Variants in SLC17A3 observed in about 807,000 individuals in gnomAD.
SLC17A3 encodes sodium-dependent phosphate transport protein 4.
SLC17A3 carries 61 observed loss-of-function variants against 60.3 expected under a neutral mutation model. The ratio of observed to expected loss-of-function variants is 1.01; its 90% CI spans 0.82 to 1.25. The LOEUF (loss-of-function observed/expected upper bound fraction) is 1.25, where lower values mean the gene tolerates loss of function less well. Ranked by LOEUF, SLC17A3 falls within the 50% of genes most tolerant of loss-of-function variation. The pLI, the probability that SLC17A3 is intolerant of heterozygous loss-of-function variation, is 0.00. For synonymous variants in SLC17A3, 192 were observed against 208.9 expected, an observed-to-expected ratio of 0.92 and a Z score of 0.70; for missense variants, 624 against 594.9, an observed-to-expected ratio of 1.05 and a Z score of -0.51.
intron 11 of SLC17A3, among the ~76,000 whole-genome samples, chr6:25,847,344 T>C (rs1040859924): frequency 6.6e-6 from 1 of 152,190 alleles, no homozygotes; most frequent in Non-Finnish European, 1.5e-5. Flanking sequence ...CCATGTCTTT[T>C]CCATTATGAA....
Position 25,845,264 on chromosome 6 carries a change from G to A in SLC17A3, c.*37C>T, listed in dbSNP as rs1348530188. On this transcript the variant is annotated 3_prime_UTR_variant, in exon 13 of 13. Transcript: ENST00000397060. ...GGAAGCCTTCTATTTTATGCAATAC[G>A]GTGCCTAATGACTTTTCCATCCAAG... The A allele has an allele frequency of 1.3e-5, 16 of 1,216,246 alleles. No individual in the cohort carries two copies. Among genetic ancestry groups the A allele is most frequent in the East Asian group, 4.7e-5 (2 of 42,516 alleles). The allele number at this position is 1,216,246 out of a possible 1,614,324, so 75.3% of individuals were successfully genotyped here.
intron 6 of SLC17A3, among the ~76,000 whole-genome samples, 175 bp downstream of exon 6, chr6:25,854,969 G>A (rs1157268281): frequency 1.3e-5 from 2 of 152,200 alleles, no homozygotes; most frequent in African/African-American, 4.8e-5. Context: ...ATAGGCAGGA[G>A]AACTTCCAAA....
At chr6:25,865,326 A>C (rs2151526390) in intron 2 of SLC17A3, among the ~76,000 whole-genome samples, 1 of 152,138 alleles carries the variant, frequency 6.6e-6, no homozygotes, top group East Asian at 1.9e-4. Context: ...TTAATAAAGG[A>C]GGATTCCCCT....
At chr6:25,851,675 C>A (rs907762693) in intron 6 of SLC17A3, among the ~76,000 whole-genome samples, 1 of 152,060 alleles carries the variant, frequency 6.6e-6, no homozygotes, top group African/African-American at 2.4e-5. Flanking sequence ...GAACCTTTCT[C>A]AAATATCAGT....
chr6:25,864,652 T>G (rs1011514778), intron 2 of SLC17A3, among the ~76,000 whole-genome samples: 2 of 151,810 alleles, frequency 1.3e-5, no homozygotes, highest in African/African-American at 4.8e-5. Context: ...GTTTGTAAGG[T>G]AGGGTGGTCA....
intron 2 of SLC17A3, among the ~76,000 whole-genome samples, chr6:25,863,515 G>T (rs1194730934): frequency 6.6e-6 from 1 of 152,048 alleles, no homozygotes; most frequent in African/African-American, 2.4e-5. Flanking sequence ...TTCTGTGTGG[G>T]AAGAAAAGGG....
chr6:25,852,772 A>G (rs771062809), intron 6 of SLC17A3, among the ~76,000 whole-genome samples: 9 of 152,084 alleles, frequency 5.9e-5, no homozygotes, highest in Non-Finnish European at 1.2e-4. Flanking sequence ...ACTAATTCTA[A>G]AATCTCTGTC....
rs1411395070 is a variant in SLC17A3, at chr6:25,850,189, A to C, written c.994-12T>G. On this transcript the variant is annotated splice_polypyrimidine_tract_variant and intron_variant, in intron 8 of 12. Coordinates refer to ENST00000397060, the MANE Select transcript of SLC17A3 (RefSeq NM_001098486.2). ...GATAGAAGTCCATTCTAAAGAGAAA[A>C]GATTGAGTAAATTACCATAATAAAG... 1 of 1,612,016 alleles carries C rather than the reference A, an allele frequency of 6.2e-7. No homozygotes were observed.
intron 2 of SLC17A3, among the ~76,000 whole-genome samples, chr6:25,863,587 G>A (rs1045038279): frequency 2.6e-5 from 4 of 151,954 alleles, no homozygotes; most frequent in East Asian, 1.9e-4. Context: ...TTTTTTCTGC[G>A]TGGGAAGAAA....
chr6:25,862,408 A>C lies in SLC17A3; in HGVS notation c.128T>G (p.Leu43Arg). 6.2e-7 allele frequency: 1 copy of C among 1,613,674 alleles called. No individual in the cohort carries two copies. The highest frequency in any genetic ancestry group is 1.3e-5 in the African/African-American group (1 of 75,010). Residue 43 changes from leucine (L) to arginine (R), a missense_variant, in exon 3 of 13, where the codon CTC becomes CGC. Coordinates refer to ENST00000397060, the MANE Select transcript of SLC17A3 (RefSeq NM_001098486.2). ...SLCSARYGIA[L>R]VLHFCNFTTI... ...TGTGAAATTGCAGAAATGTAAGACG[A>C]GGGCTATTCCATAGCGAGCAGAACA...
chr6:25,869,807 A>G (rs1357741700), intron 1 of SLC17A3, among the ~76,000 whole-genome samples: 2 of 151,976 alleles, frequency 1.3e-5, no homozygotes, highest in African/African-American at 2.4e-5. Flanking sequence ...GTGGACCACA[A>G]TTCAAGATGA....
chr6:25,845,623 A>C, intron 11 of SLC17A3, 107 bp from the exon 12 acceptor site: 2 of 1,300,866 alleles, frequency 1.5e-6, no homozygotes, highest in Non-Finnish European at 2.2e-6. Context: ...TCCTTGTAGA[A>C]ATTCATTTCC....
At chr6:25,866,158 T>C (rs1448554057) in intron 2 of SLC17A3, among the ~76,000 whole-genome samples, 2 of 151,976 alleles carry the variant, frequency 1.3e-5, no homozygotes, top group Non-Finnish European at 2.9e-5. Context: ...GTCACCCCCA[T>C]GATTACATTA....
chr6:25,857,280 T>C (rs1256838645), intron 5 of SLC17A3, among the ~76,000 whole-genome samples: 1 of 151,590 alleles, frequency 6.6e-6, no homozygotes, highest in East Asian at 1.9e-4. Context: ...TCTTTAACTA[T>C]TATTTTTTAT....
At chr6:25,861,595 G>A (rs1400923062) in intron 5 of SLC17A3, 29 bp downstream of exon 5, 1 of 1,572,282 alleles carries the variant, frequency 6.4e-7, no homozygotes, top group Non-Finnish European at 8.8e-7. Flanking sequence ...TTGGATTGTA[G>A]TGTACCCATT....
intron 1 of SLC17A3, among the ~76,000 whole-genome samples, chr6:25,872,877 T>G (rs571286483): frequency 6.6e-6 from 1 of 152,130 alleles, no homozygotes; most frequent in African/African-American, 2.4e-5. Flanking sequence ...TTTAAAGCTA[T>G]CTAAGGTTTC....
chr6:25,850,983 T>G (rs2151519831), intron 6 of SLC17A3, 106 bp from the exon 7 acceptor site: 1 of 820,726 alleles, frequency 1.2e-6, no homozygotes, highest in Non-Finnish European at 2.1e-6. Flanking sequence ...AAAGCTCATG[T>G]TCATTATATC....
At chr6:25,872,775 T>C (rs774473399) in intron 1 of SLC17A3, among the ~76,000 whole-genome samples, 11 of 151,880 alleles carry the variant, frequency 7.2e-5, no homozygotes, top group African/African-American at 1.5e-4. Flanking sequence ...TATTCATCAG[T>C]ATCATCTCCA....
At chr6:25,866,853 A>G (rs921822915) in intron 2 of SLC17A3, among the ~76,000 whole-genome samples, 4 of 152,030 alleles carry the variant, frequency 2.6e-5, no homozygotes, top group East Asian at 1.9e-4. Flanking sequence ...AATTGGTTAC[A>G]TAAGTGGAAA....
Sources: gnomAD v4.1 joint callset for allele counts (sites outside exome capture counted in the v4.1 genomes callset) on GRCh38, gnomAD v4.1.1 for gene constraint, MANE v1.5 for transcripts, NCBI Gene and HGNC (gene_info 2026-07-23, HGNC 2026-07-21) for gene names.